USP10: variants seen among roughly 807,000 people sequenced by gnomAD.
USP10 encodes ubiquitin specific peptidase 10.
A neutral mutation model predicts 84.5 loss-of-function variants in USP10; 22 were observed. The ratio of observed to expected loss-of-function variants is 0.26; its 90% CI spans 0.19 to 0.37. The LOEUF (loss-of-function observed/expected upper bound fraction) is 0.37, where lower values mean the gene tolerates loss of function less well. USP10 is among the 10% of genes least tolerant of loss of function. The pLI, the probability that USP10 is intolerant of heterozygous loss-of-function variation, is 1.00. For synonymous variants in USP10, 454 were observed against 387.6 expected (o/e 1.17, Z -2.01); for missense variants, 1,019 against 998.9 (o/e 1.02, Z -0.27).
At chr16:84,775,752 T>A (rs1301546233) in intron 13 of USP10, among the ~76,000 whole-genome samples, 3 of 152,240 alleles carry the variant, frequency 2.0e-5, no homozygotes, top group Non-Finnish European at 4.4e-5. Context: ...TGGCACCCCC[T>A]GTTCCCTCAT....
chr16:84,759,112 G>C (rs1036214584), intron 5 of USP10, among the ~76,000 whole-genome samples: 8 of 152,214 alleles, frequency 5.3e-5, no homozygotes, highest in South Asian at 2.1e-4. Context: ...GGTTTTAACT[G>C]ATTGAACTGT....
chr16:84,730,358 C>G (rs1368170875), intron 1 of USP10, among the ~76,000 whole-genome samples: 2 of 151,884 alleles, frequency 1.3e-5, no homozygotes, highest in African/African-American at 2.4e-5. Context: ...ACCTAAAGTT[C>G]TTCCTCATTT....
chr16:84,715,894 C>T (rs1906951386), intron 1 of USP10, among the ~76,000 whole-genome samples: 1 of 152,216 alleles, frequency 6.6e-6, no homozygotes, highest in Non-Finnish European at 1.5e-5. Context: ...GGAATGGCCA[C>T]AGCAGTTTCA....
At position 84,718,119 on chromosome 16, in the gene USP10, T is replaced by C. The variant is rs113622944; in HGVS notation, c.22-15316T>C. 2.5e-3 allele frequency among the ~76,000 whole-genome samples: 387 copies of C among 152,316 alleles called. 2 individuals carry two copies. Among genetic ancestry groups the C allele is most frequent in the African/African-American group, 7.2e-3 (298 of 41,564 alleles). On this transcript the variant is annotated intron_variant, in intron 1 of 13. Transcript: ENST00000219473. ...ACATTGCGAAGGGAAAATCTTGGAT[T>C]GGAAGGTTATTTTTGAGAAAGTGGA... is the stretch of plus-strand genomic sequence containing the variant.
At chr16:84,747,880 G>C (rs1911427854) in intron 4 of USP10, among the ~76,000 whole-genome samples, 1 of 151,982 alleles carries the variant, frequency 6.6e-6, no homozygotes, top group Admixed American at 6.6e-5. Flanking sequence ...GCGATTTCTT[G>C]AATACAGCTT....
intron 1 of USP10, among the ~76,000 whole-genome samples, chr16:84,728,646 C>T (rs946160374): frequency 6.6e-6 from 1 of 151,514 alleles, no homozygotes; most frequent in Non-Finnish European, 1.5e-5. Flanking sequence ...GTAGTTTTAT[C>T]AAAATTATAA....
chr16:84,771,323 G>C (rs781313371), intron 11 of USP10, among the ~76,000 whole-genome samples: 6 of 152,048 alleles, frequency 3.9e-5, no homozygotes, highest in African/African-American at 9.7e-5. Flanking sequence ...AGACTGAGGC[G>C]AGCAGGTTGC....
At chr16:84,778,564 C>T (rs917031554) in intron 13 of USP10, among the ~76,000 whole-genome samples, 1 of 152,174 alleles carries the variant, frequency 6.6e-6, no homozygotes, top group Admixed American at 6.5e-5. Context: ...AGGGCATGAG[C>T]CAGGTCTGTA....
At position 84,758,734 on chromosome 16, in the gene USP10, C is replaced by A. The variant is rs771613014; in HGVS notation, c.1211C>A (p.Thr404Asn). Residue 404 changes from threonine to asparagine, a missense_variant, in exon 5 of 14, where the codon ACC (threonine) becomes AAC (asparagine). Physicochemically the swap from Thr to Asn is moderately conservative, Grantham distance 65. Around this residue, in one of 2 missense-constraint regions of USP10, gnomAD observed 787 missense variants for 708.8 expected, o/e 1.11. Transcript: ENST00000219473. The stretch of plus-strand genomic sequence containing the variant: ...CTTTCAGAGTTGCTGGAGAATGTAA[C>A]CCTAATCCATAAACCAGTGTCGTTG... ...IKIAELLENV[T>N]LIHKPVSLQP... The A allele has an allele frequency of 6.2e-7, 1 of 1,613,290 alleles. No homozygotes were observed. The highest frequency in any genetic ancestry group is 8.5e-7 in the Non-Finnish European group (1 of 1,179,238).
intron 1 of USP10, among the ~76,000 whole-genome samples, chr16:84,727,216 T>C (rs904295410): frequency 1.4e-4 from 21 of 152,242 alleles, no homozygotes; most frequent in African/African-American, 5.1e-4. Flanking sequence ...TGCTCTGTTA[T>C]GGGCAAAACT....
In USP10 at chr16:84,760,234, T is replaced by C; in HGVS notation, c.1513T>C (p.Tyr505His). ...AGCTGCCTTTGAGCCCACATATATT[T>C]ACAGACTCCTGACAGTTAACAAGTC... ...PGAAFEPTYI[Y>H]RLLTVNKSSL... Residue 505 changes from tyrosine to histidine, a missense_variant, in exon 8 of 14, where the codon TAC (tyrosine) becomes CAC (histidine). Tyr to His is a moderately conservative substitution (Grantham distance 83). Around this residue, in one of 2 missense-constraint regions of USP10, gnomAD observed 787 missense variants for 708.8 expected, o/e 1.11. Coordinates refer to ENST00000219473, the MANE Select transcript of USP10 (RefSeq NM_005153.3). 6.2e-7 allele frequency: 1 copy of C among 1,611,012 alleles called. No homozygotes were observed. The highest frequency in any genetic ancestry group is 8.5e-7 in the Non-Finnish European group (1 of 1,178,492).
chr16:84,764,939 A>AAATATATAT (rs370383030), intron 10 of USP10, among the ~76,000 whole-genome samples: 3,693 of 132,124 alleles, frequency 0.028, 114 homozygotes, highest in South Asian at 0.13. Flanking sequence ...GAGAAAAAAA[A>AAATATATAT]ATATATATAT....
At chr16:84,744,282 T>A (rs1265033459) in intron 3 of USP10, among the ~76,000 whole-genome samples, 1 of 152,160 alleles carries the variant, frequency 6.6e-6, no homozygotes, top group Non-Finnish European at 1.5e-5. Context: ...TATTCCTTTA[T>A]CTCAGGCATA....
In USP10 at chr16:84,760,152, G is replaced by T. The variant is rs1462176749; in HGVS notation, c.1451-20G>T. 2 of 1,589,242 alleles carry T rather than the reference G, an allele frequency of 1.3e-6. No individual in the cohort carries two copies. Among genetic ancestry groups the T allele is most frequent in the African/African-American group, 2.7e-5 (2 of 74,544 alleles). ...GAGTTCATTGTAGTTAGGAAAACCT[G>T]TGTCCTCTTTCCATTGCAGCTCTTG... is the stretch of plus-strand genomic sequence containing the variant. On this transcript the variant is annotated intron_variant, in intron 7 of 13. Coordinates refer to ENST00000219473, the MANE Select transcript of USP10 (RefSeq NM_005153.3).
At chr16:84,714,793 CTAAGGGATATT>C (rs1407457414) in intron 1 of USP10, among the ~76,000 whole-genome samples, 2 of 151,556 alleles carry the variant, frequency 1.3e-5, no homozygotes, top group African/African-American at 2.4e-5. Flanking sequence ...AGATATTTTG[CTAAGGGATATT>C]AAGAAGATAC....
At chr16:84,714,631 T>C (rs1906762773) in intron 1 of USP10, among the ~76,000 whole-genome samples, 2 of 152,190 alleles carry the variant, frequency 1.3e-5, no homozygotes, top group African/African-American at 2.4e-5. Flanking sequence ...TTATGCATAC[T>C]AAAAATGGTA....
intron 1 of USP10, among the ~76,000 whole-genome samples, chr16:84,705,357 G>C (rs1250742364): frequency 6.6e-6 from 1 of 151,724 alleles, no homozygotes; most frequent in Non-Finnish European, 1.5e-5. Flanking sequence ...TCAGCCTCCT[G>C]AGTAGCTGGG....
Position 84,770,189 on chromosome 16 carries a change from C to G in USP10, c.1998+1831C>G, listed in dbSNP as rs554040807. On this transcript the variant is annotated intron_variant, in intron 11 of 13. Transcript: ENST00000219473. ...GATAAAAAGGATGCTGCCAGCCGTT[C>G]TGGGTGCGTGGTTGTGGTGGTGTGT... Among the ~76,000 whole-genome samples, 4 of 152,292 alleles carry G rather than the reference C, an allele frequency of 2.6e-5. No homozygotes were observed. In the South Asian group the frequency reaches 8.3e-4, roughly 32 times the overall value.
intron 4 of USP10, among the ~76,000 whole-genome samples, chr16:84,752,009 A>G (rs1911991220): frequency 1.3e-5 from 2 of 152,158 alleles, no homozygotes; most frequent in East Asian, 1.9e-4. Flanking sequence ...GTGAGCTACC[A>G]TCTAGCATGT....
Sources: gnomAD v4.1 joint callset for allele counts (sites outside exome capture counted in the v4.1 genomes callset) on GRCh38, gnomAD v4.1.1 for gene constraint, gnomAD v4.1.1 regional missense constraint, MANE v1.5 for transcripts, NCBI Gene and HGNC (gene_info 2026-07-23, HGNC 2026-07-21) for gene names.